RIMS3: variants seen among roughly 807,000 people sequenced by gnomAD.
RIMS3 encodes the protein regulating synaptic membrane exocytosis 3, also known as regulating synaptic membrane exocytosis protein 3.
RIMS3 carries 15 observed loss-of-function variants against 29.2 expected under a neutral mutation model. The ratio of observed to expected loss-of-function variants is 0.51; its 90% confidence interval spans 0.34 to 0.79. The LOEUF (loss-of-function observed/expected upper bound fraction) is 0.79. Among genes scored for constraint, RIMS3 ranks in the 30% least tolerant of loss-of-function variants. The pLI is 0.01. For missense variants in RIMS3, 342 were observed against 421.4 expected (o/e 0.81, Z 1.65); for synonymous variants, 161 against 170.1 (o/e 0.95, Z 0.41).
At chr1:40,689,772 ACTG>A in the RIMS3 span, among the ~76,000 whole-genome samples, 2 of 152,212 alleles carry the variant, frequency 1.3e-5, no homozygotes, top group Admixed American at 1.3e-4. Flanking sequence ...GTATCAATTG[ACTG>A]TTATCAGTTA....
chr1:40,656,783 CAAA>C (rs57983058), intron 1 of RIMS3, among the ~76,000 whole-genome samples: 2 of 73,282 alleles, frequency 2.7e-5, no homozygotes, highest in Non-Finnish European at 2.8e-5. Flanking sequence ...AACTCCGTCT[CAAA>C]AAAAAAAAAA....
At chr1:40,683,382 G>T in the RIMS3 span, among the ~76,000 whole-genome samples, 1 of 152,192 alleles carries the variant, frequency 6.6e-6, no homozygotes, top group South Asian at 2.1e-4. Context: ...CATGGGAATG[G>T]GTTAGTTATG....
the RIMS3 span, among the ~76,000 whole-genome samples, chr1:40,675,524 G>A: frequency 1.3e-5 from 2 of 152,188 alleles, no homozygotes; most frequent in South Asian, 2.1e-4. Flanking sequence ...TTGGGAGGTT[G>A]AGACAGGAGG....
intron 7 of RIMS3, among the ~76,000 whole-genome samples, chr1:40,627,721 CACCTCG>C (rs1646464404): frequency 6.6e-6 from 1 of 152,098 alleles, no homozygotes; most frequent in Non-Finnish European, 1.5e-5. Flanking sequence ...CCTGCCTCAG[CACCTCG>C]AGTAGCTGGG....
the RIMS3 span, among the ~76,000 whole-genome samples, chr1:40,670,698 T>C: frequency 6.7e-6 from 1 of 149,218 alleles, no homozygotes; most frequent in Non-Finnish European, 1.5e-5. Flanking sequence ...AAGCAATTCT[T>C]CTGCCTCAGC....
chr1:40,626,324 GT>G lies in RIMS3; in HGVS notation c.*192del. On this transcript the variant is annotated 3_prime_UTR_variant, in exon 8 of 8. Transcript: ENST00000372684. ...AAATGAACAGATAGAACGTGGTCAC[GT>G]ACACACACACACACACGCACGCACA... 3.2e-6 allele frequency: 2 copies of G among 629,556 alleles called. No homozygotes were observed. Among genetic ancestry groups the G allele is most frequent in the Non-Finnish European group, 5.7e-6 (2 of 348,666 alleles). The allele number at this position is 629,556 out of a possible 1,614,324, so 39.0% of individuals were successfully genotyped here.
upstream of RIMS3, among the ~76,000 whole-genome samples, chr1:40,667,193 C>G (rs773177031): frequency 6.6e-6 from 1 of 152,180 alleles, no homozygotes; most frequent in African/African-American, 2.4e-5. Flanking sequence ...CCTCAAAGTG[C>G]GTTCCATAGC....
chr1:40,629,074 A>G (rs571969608), intron 6 of RIMS3, 125 bp from the exon 7 acceptor site: 2 of 1,266,108 alleles, frequency 1.6e-6, no homozygotes, highest in African/African-American at 1.5e-5. Context: ...GCCAGTGGAC[A>G]GCAGGCAGAA....
In RIMS3 at chr1:40,635,413, T is replaced by G. The variant is rs1646513334; in HGVS notation, c.359+503A>C. On this transcript the variant is annotated intron_variant, in intron 4 of 7. Transcript: ENST00000372684. This position sits in a 1 kb window ranked among gnomAD's most constrained non-coding sequence, Gnocchi z 4.1. Reference sequence around the variant, plus strand: ...CATAAGATATGTCTATTTCTTTTTCTAATGCTGGTTTTGACCCACTAAACC... The same window carrying G: ...CATAAGATATGTCTATTTCTTTTTCGAATGCTGGTTTTGACCCACTAAACC... Among the ~76,000 whole-genome samples, 1 of 152,246 alleles carries G rather than the reference T, an allele frequency of 6.6e-6. No homozygotes were observed. Among genetic ancestry groups the G allele is most frequent in the Non-Finnish European group, 1.5e-5 (1 of 68,042 alleles).
At chr1:40,653,179 G>C (rs1466558325) in intron 1 of RIMS3, among the ~76,000 whole-genome samples, 9 of 152,184 alleles carry the variant, frequency 5.9e-5, no homozygotes. Flanking sequence ...AGGAGAGCAA[G>C]GTGAGTAGGC....
chr1:40,641,643 C>A, intron 3 of RIMS3, 66 bp downstream of exon 3: 2 of 1,511,886 alleles, frequency 1.3e-6, no homozygotes, highest in South Asian at 2.4e-5. Flanking sequence ...TCAGGGCAGT[C>A]CCTGGGTAGT....
intron 2 of RIMS3, among the ~76,000 whole-genome samples, chr1:40,642,617 C>T (rs1008058998): frequency 3.3e-5 from 5 of 152,172 alleles, no homozygotes; most frequent in Non-Finnish European, 4.4e-5. Context: ...AATAACTGAA[C>T]TCATACTGCA....
intron 5 of RIMS3, among the ~76,000 whole-genome samples, chr1:40,629,679 G>A (rs1198935122): frequency 6.6e-6 from 1 of 152,122 alleles, no homozygotes; most frequent in Non-Finnish European, 1.5e-5. Context: ...GTTTTACTGA[G>A]CAGAATAGCA....
At chr1:40,633,034 A>G in intron 5 of RIMS3, 35 bp downstream of exon 5, 1 of 1,552,130 alleles carries the variant, frequency 6.4e-7, no homozygotes, top group Non-Finnish European at 8.9e-7. Context: ...CATGGTCACC[A>G]TTACCCCACT....
chr1:40,637,933 T>C (rs1646531359), intron 3 of RIMS3, among the ~76,000 whole-genome samples: 1 of 152,172 alleles, frequency 6.6e-6, no homozygotes, highest in African/African-American at 2.4e-5. Flanking sequence ...TCCCTCGCCT[T>C]CATATCTCTA....
chr1:40,632,037 C>G (rs1646492255), intron 5 of RIMS3, among the ~76,000 whole-genome samples: 1 of 151,960 alleles, frequency 6.6e-6, no homozygotes, highest in South Asian at 2.1e-4. Context: ...CTATGCACAT[C>G]CTCCCATATG....
chr1:40,690,321 T>C, the RIMS3 span: 2 of 152,084 alleles, frequency 1.3e-5, no homozygotes. Flanking sequence ...AATCTGTTTT[T>C]AATTTTATGC....
At chr1:40,640,146 A>G (rs1223187249) in intron 3 of RIMS3, among the ~76,000 whole-genome samples, 3 of 152,044 alleles carry the variant, frequency 2.0e-5, no homozygotes, top group African/African-American at 7.3e-5. Flanking sequence ...GGTCCCCTGG[A>G]GCCAGACTCC....
At chr1:40,655,524 G>A (rs943741771) in intron 1 of RIMS3, among the ~76,000 whole-genome samples, 1 of 152,220 alleles carries the variant, frequency 6.6e-6, no homozygotes, top group Non-Finnish European at 1.5e-5. Flanking sequence ...CCAAGCCAGG[G>A]TTCAAGGTGA....
Sources: gnomAD v4.1 joint callset for allele counts (sites outside exome capture counted in the v4.1 genomes callset) on GRCh38, gnomAD v4.1.1 for gene constraint, Gnocchi (gnomAD v3.1) non-coding constraint, MANE v1.5 for transcripts, NCBI Gene and HGNC (gene_info 2026-07-23, HGNC 2026-07-21) for gene names.